MSX1: variants seen among roughly 807,000 people sequenced by gnomAD.
The protein encoded by MSX1 is msh homeobox 1.
MSX1 carries 11 observed loss-of-function variants against 17.0 expected under a neutral mutation model. The observed-to-expected ratio is 0.65, with a 90% CI of 0.41 to 1.07. The LOEUF (loss-of-function observed/expected upper bound fraction) is 1.07, where lower values mean the gene tolerates loss of function less well. MSX1 is among the 50% of genes least tolerant of loss of function. MSX1 has a pLI of 0.00. For missense variants in MSX1, 477 were observed against 440.1 expected (o/e 1.08, Z -0.75); for synonymous variants, 253 against 211.8 (o/e 1.19, Z -1.69).
intron 1 of MSX1, 66 bp from the exon 2 acceptor site, chr4:4,862,635 C>G: frequency 1.3e-6 from 2 of 1,574,176 alleles, no homozygotes; most frequent in Non-Finnish European, 1.7e-6. Flanking sequence ...ATTACTACTT[C>G]TTGGGCTGAT....
Position 4,863,468 on chromosome 4 carries a change from T to C in MSX1, c.*325T>C. ...GAACAGAGCTAGAGGCCATGTCTCC[T>C]GCATAGCTTTTCCCTGTCCTGACAC... On this transcript the variant is annotated 3_prime_UTR_variant, in exon 2 of 2. Transcript: ENST00000382723. The C allele has an allele frequency of 4.6e-6, 1 of 216,658 alleles. No homozygotes were observed. The highest frequency in any genetic ancestry group is 1.2e-4 in the South Asian group (1 of 8,654). 13.4% of individuals were successfully genotyped at this position (216,658 alleles called of 1,614,324 possible).
chr4:4,861,043 C>T (rs1737905715), intron 1 of MSX1, among the ~76,000 whole-genome samples: 3 of 152,258 alleles, frequency 2.0e-5, no homozygotes, highest in African/African-American at 7.2e-5. Context: ...CAAGGCGGTT[C>T]GCTCCAAGGC....
At chr4:4,860,453 C>G (rs1346994272) in intron 1 of MSX1, 85 bp downstream of exon 1, 2 of 1,488,620 alleles carry the variant, frequency 1.3e-6, no homozygotes, top group Middle Eastern at 2.3e-4. Context: ...CTGGTGGCCT[C>G]CGGCGCCTGC....
At position 4,863,205 on chromosome 4, in the gene MSX1, G is replaced by C. The variant is rs1737965301; in HGVS notation, c.*62G>C. The C allele has an allele frequency of 6.6e-7, 1 of 1,514,376 alleles. No homozygotes were observed. The highest frequency in any genetic ancestry group is 8.9e-7 in the Non-Finnish European group (1 of 1,124,620). 93.8% of individuals were successfully genotyped at this position (1,514,376 alleles called of 1,614,324 possible). A position where few individuals can be genotyped will look rare whatever the true frequency, so the allele number is the denominator to read the frequency against. On this transcript the variant is annotated 3_prime_UTR_variant, in exon 2 of 2. Coordinates refer to ENST00000382723, the MANE Select transcript of MSX1 (RefSeq NM_002448.3). ...CCTCCAGCCCTGGTGCTGTACCCCCGACGTGCTCCCCTGCTCGGCACCGCC... is the reference window on the plus strand; with the variant it reads ...CCTCCAGCCCTGGTGCTGTACCCCCCACGTGCTCCCCTGCTCGGCACCGCC...
chr4:4,862,148 G>A (rs1001391142), intron 1 of MSX1, among the ~76,000 whole-genome samples: 10 of 152,214 alleles, frequency 6.6e-5, no homozygotes, highest in Non-Finnish European at 4.4e-5. Flanking sequence ...CCGTAGGAGC[G>A]AAGTGTTCCG....
chr4:4,861,885 G>T (rs1287733036), intron 1 of MSX1, among the ~76,000 whole-genome samples: 1 of 96,254 alleles, frequency 1.0e-5, no homozygotes, highest in Non-Finnish European at 1.9e-5. Flanking sequence ...CACTCCCCCC[G>T]CAACAACATC....
rs186850606 is a variant in MSX1, at chr4:4,861,416, A to C, written c.469+1048A>C. Among the ~76,000 whole-genome samples the C allele has an allele frequency of 1.6e-4, 25 of 152,302 alleles. 1 individual carries two copies. Among genetic ancestry groups the C allele is most frequent in the Admixed American group, 1.0e-3 (16 of 15,306 alleles). On this transcript the variant is annotated intron_variant, in intron 1 of 1. Transcript: ENST00000382723. ...AGGGAAGAAGCGGGGTGTTAACACG[A>C]GATTTCGTTTGACTCACATCCTGGT...
rs1031580600 is a variant in MSX1, at chr4:4,862,756, G to A, written c.525G>A (p.Pro175=). ...TLRKHKTNRK[P]RTPFTTAQLL... ...GCAAACACAAGACGAACCGTAAGCC[G>A]CGGACGCCCTTCACCACCGCGCAGC... Residue 175 remains proline (P), a synonymous_variant, in exon 2 of 2, where the codon CCG becomes CCA. Coordinates refer to ENST00000382723, the MANE Select transcript of MSX1 (RefSeq NM_002448.3). The A allele has an allele frequency of 3.7e-6, 6 of 1,613,440 alleles. No individual in the cohort carries two copies. The highest frequency in any genetic ancestry group is 1.7e-5 in the Admixed American group (1 of 60,024).
chr4:4,860,406 GGGTGGGGGCC>G, intron 1 of MSX1, 38 bp downstream of exon 1: 1 of 282,844 alleles, frequency 3.5e-6, no homozygotes, highest in Non-Finnish European at 4.1e-6. Context: ...GGAGGGGGCC[GGGTGGGGGCC>G]GGGTGGGGTG....
In MSX1 at chr4:4,861,436, C is replaced by A. The variant is rs1737914499; in HGVS notation, c.469+1068C>A. Among the ~76,000 whole-genome samples, 5 of 152,250 alleles carry A rather than the reference C, an allele frequency of 3.3e-5. No individual in the cohort carries two copies. The South Asian group carries it at 1.0e-3, about 31-fold the overall frequency. ...ACACGAGATTTCGTTTGACTCACAT[C>A]CTGGTGGTCTGAAAGTCCAAAGGAT... is the stretch of plus-strand genomic sequence containing the variant. On this transcript the variant is annotated intron_variant, in intron 1 of 1. Transcript: ENST00000382723.
In MSX1 at chr4:4,860,348, G is replaced by C; in HGVS notation, c.449G>C (p.Arg150Pro). The C allele has an allele frequency of 6.2e-7, 1 of 1,604,100 alleles. No individual in the cohort carries two copies. The change falls in exon 1 of 2, where the codon CGC becomes CCC. Residue 150 changes from arginine to proline, a missense_variant. By Grantham distance (103) the Arg-to-Pro change is moderately radical. Coordinates refer to ENST00000382723, the MANE Select transcript of MSX1 (RefSeq NM_002448.3). ...AGGACCCCGTGGATGCAGAGCCCCC[G>C]CTTCTCCCCGCCGCCGGCCAGTGAG... ...PERTPWMQSPRFSPPPARRLS... is the reference protein window; with the variant it reads ...PERTPWMQSPPFSPPPARRLS...
At position 4,860,384 on chromosome 4, in the gene MSX1, C is replaced by G. The variant is rs772272990; in HGVS notation, c.469+16C>G. The G allele has an allele frequency of 2.5e-6, 4 of 1,599,100 alleles. No homozygotes were observed. The East Asian group carries it at 6.7e-5, about 27-fold the overall frequency. On this transcript the variant is annotated intron_variant, in intron 1 of 1. Transcript: ENST00000382723. The stretch of plus-strand genomic sequence containing the variant: ...CCGCCGGCCAGTGAGTAGCCAGAAC[C>G]CAGGCGCAGAGGGAGGGGGCCGGGT...
rs776095213 is a variant in MSX1 at position 4,862,838 on chromosome 4, G to T, written c.607G>T (p.Ala203Ser). ...GCAGTACCTGTCCATCGCCGAGCGC[G>T]CGGAGTTCTCCAGCTCGCTCAGCCT... The part of the protein sequence containing the change: ...QKQYLSIAER[A>S]EFSSSLSLTE... Residue 203 changes from alanine (A) to serine (S), a missense_variant, in exon 2 of 2, where the codon GCG becomes TCG. By Grantham distance (99) the Ala-to-Ser change is moderately conservative. Around this residue, in one of 3 missense-constraint regions of MSX1, gnomAD observed 355 missense variants for 306.1 expected, o/e 1.16. Coordinates refer to ENST00000382723, the MANE Select transcript of MSX1 (RefSeq NM_002448.3). 17 of 1,613,794 alleles carry T rather than the reference G, an allele frequency of 1.1e-5. No homozygotes were observed. In the East Asian group the frequency reaches 3.6e-4, roughly 34 times the overall value.
In MSX1 at chr4:4,863,564, AAAAAAAAAAAAAAAAAAAAAAAAAG is replaced by A. The variant is rs1737977915; in HGVS notation, c.*426_*450del. 2 of 107,840 alleles carry A rather than the reference AAAAAAAAAAAAAAAAAAAAAAAAAG, an allele frequency of 1.9e-5. No homozygotes were observed. The highest frequency in any genetic ancestry group is 4.0e-5 in the Non-Finnish European group (2 of 50,214). The allele number at this position is 107,840 out of a possible 1,614,324, so 6.7% of individuals were successfully genotyped here. On this transcript the variant is annotated 3_prime_UTR_variant, in exon 2 of 2. Transcript: ENST00000382723. ...ATGAGAACAATCTCAAAAAAAAAAA[AAAAAAAAAAAAAAAAAAAAAAAAAG>A]AAAAGAGAAAAAAAAGACTAGCCAG...
chr4:4,861,713 G>A (rs1038468699), intron 1 of MSX1, among the ~76,000 whole-genome samples: 2 of 152,214 alleles, frequency 1.3e-5, no homozygotes, highest in Non-Finnish European at 2.9e-5. Context: ...TTATCCGGGG[G>A]CAGTCCCCAG....
intron 1 of MSX1, 41 bp downstream of exon 1, chr4:4,860,409 TGGGGGCCGG>T: frequency 1.4e-5 from 2 of 144,676 alleles, no homozygotes; most frequent in South Asian, 1.3e-4. Flanking sequence ...GGGGGCCGGG[TGGGGGCCGG>T]GTGGGGTGTG....
In MSX1 at chr4:4,860,466, A is replaced by T. The variant is rs979807794; in HGVS notation, c.469+98A>T. On this transcript the variant is annotated intron_variant, in intron 1 of 1. Transcript: ENST00000382723. Reference sequence around the variant, plus strand: ...TCCTGGTGGCCTCCGGCGCCTGCGTACCTGCAGCCGGTGCTAGGGAGCCGT... The same window carrying T: ...TCCTGGTGGCCTCCGGCGCCTGCGTTCCTGCAGCCGGTGCTAGGGAGCCGT... 2.4e-5 allele frequency: 34 copies of T among 1,444,388 alleles called. No homozygotes were observed. The African/African-American group carries it at 4.8e-4, about 20-fold the overall frequency. The allele number at this position is 1,444,388 out of a possible 1,614,324, so 89.5% of individuals were successfully genotyped here. A position where few individuals can be genotyped will look rare whatever the true frequency, so the allele number is the denominator to read the frequency against.
Position 4,863,295 on chromosome 4 carries a change from C to A in MSX1, c.*152C>A. The stretch of plus-strand genomic sequence containing the variant: ...CCTCTTTGCTCCCTGAGTTCACTCT[C>A]CGAAGTCTGATCCCTGCCAAAAAGT... On this transcript the variant is annotated 3_prime_UTR_variant, in exon 2 of 2. Coordinates refer to ENST00000382723, the MANE Select transcript of MSX1 (RefSeq NM_002448.3). 1 of 824,764 alleles carries A rather than the reference C, an allele frequency of 1.2e-6. No homozygotes were observed. Among genetic ancestry groups the A allele is most frequent in the Non-Finnish European group, 1.9e-6 (1 of 523,140 alleles). 51.1% of individuals were successfully genotyped at this position (824,764 alleles called of 1,614,324 possible).
At chr4:4,861,582 C>T (rs2108778166) in intron 1 of MSX1, among the ~76,000 whole-genome samples, 1 of 152,334 alleles carries the variant, frequency 6.6e-6, no homozygotes, top group Non-Finnish European at 1.5e-5. Flanking sequence ...GATTTGAATT[C>T]ACTTTCTGCC....
Sources: allele counts gnomAD v4.1 joint callset (sites outside exome capture counted in the v4.1 genomes callset), GRCh38; gene constraint gnomAD v4.1.1; regional missense constraint gnomAD v4.1.1; transcripts MANE v1.5; gene names NCBI Gene and HGNC (gene_info 2026-07-23, HGNC 2026-07-21).